Variants in KIF3A observed in about 807,000 individuals in gnomAD.
KIF3A encodes the protein kinesin-like protein KIF3A.
KIF3A carries 27 observed loss-of-function variants against 92.6 expected under a neutral mutation model. The observed-to-expected ratio is 0.29, with a 90% CI of 0.21 to 0.40. The LOEUF (loss-of-function observed/expected upper bound fraction) is 0.40, where lower values mean the gene tolerates loss of function less well. Ranked by LOEUF, KIF3A falls within the 10% of genes least tolerant of loss-of-function variation. The pLI is 1.00. For missense variants in KIF3A, 581 were observed against 872.6 expected (o/e 0.67, Z 4.21); for synonymous variants, 250 against 275.4 (o/e 0.91, Z 0.92).
chr5:132,720,447 T>G (rs1471757836), intron 5 of KIF3A, among the ~76,000 whole-genome samples, 162 bp downstream of exon 5: 1 of 152,194 alleles, frequency 6.6e-6, no homozygotes, highest in African/African-American at 2.4e-5. Context: ...GTGGTATCTT[T>G]CATTCATCTA....
chr5:132,727,759 A>C (rs566002996), intron 2 of KIF3A, among the ~76,000 whole-genome samples: 1 of 152,218 alleles, frequency 6.6e-6, no homozygotes. Context: ...GGAGAAAACC[A>C]AGGGTCGATG....
intron 2 of KIF3A, among the ~76,000 whole-genome samples, chr5:132,727,819 A>C (rs940413006): frequency 3.9e-5 from 6 of 152,182 alleles, no homozygotes; most frequent in African/African-American, 1.4e-4. Context: ...TGTAGTAAGA[A>C]AAGATAGCCT....
chr5:132,699,621 C>T (rs961595986), intron 17 of KIF3A: 15 of 438,182 alleles, frequency 3.4e-5, no homozygotes, highest in Middle Eastern at 5.7e-4. Flanking sequence ...TGCAGTAGCG[C>T]GATCTGGGCT....
intron 8 of KIF3A, among the ~76,000 whole-genome samples, chr5:132,714,850 C>T (rs17716226): frequency 0.039 from 5,872 of 152,266 alleles, 296 homozygotes; most frequent in East Asian, 0.22. Flanking sequence ...AGTATGCACT[C>T]ACCGTTAACA....
intron 10 of KIF3A, among the ~76,000 whole-genome samples, chr5:132,707,636 T>C (rs932750516): frequency 1.3e-5 from 2 of 152,224 alleles, no homozygotes; most frequent in African/African-American, 4.8e-5. Context: ...TTGAAATGAA[T>C]TGTTTTGGTA....
intron 2 of KIF3A, among the ~76,000 whole-genome samples, chr5:132,729,606 G>C (rs1025879557): frequency 3.0e-4 from 45 of 152,082 alleles, no homozygotes; most frequent in Admixed American, 6.5e-5. Flanking sequence ...AATCTCTAGA[G>C]AATTTAAAAA....
At chr5:132,722,409 T>TG (rs1302795305) in intron 4 of KIF3A, among the ~76,000 whole-genome samples, 3 of 152,152 alleles carry the variant, frequency 2.0e-5, no homozygotes, top group Admixed American at 1.3e-4. Context: ...GTTACCCTCT[T>TG]GTCCTAGAAT....
intron 10 of KIF3A, among the ~76,000 whole-genome samples, chr5:132,708,113 C>T (rs1443556645): frequency 2.0e-5 from 3 of 151,992 alleles, no homozygotes; most frequent in Non-Finnish European, 2.9e-5. Context: ...GAAACCCCGT[C>T]TCTACTAAAA....
intron 5 of KIF3A, among the ~76,000 whole-genome samples, chr5:132,719,681 G>A (rs1049544317): frequency 4.0e-5 from 6 of 151,490 alleles, no homozygotes; most frequent in Admixed American, 2.0e-4. Context: ...TAGTAGAGAC[G>A]GGGTTTCACC....
intron 8 of KIF3A, among the ~76,000 whole-genome samples, chr5:132,711,315 G>A (rs1012071264): frequency 1.3e-5 from 2 of 152,170 alleles, no homozygotes; most frequent in Admixed American, 1.3e-4. Context: ...ATTCTGGCTA[G>A]GCAAGGTGGC....
intron 1 of KIF3A, 105 bp from the exon 2 acceptor site, chr5:132,734,583 G>T: frequency 1.1e-6 from 1 of 933,268 alleles, no homozygotes; most frequent in Non-Finnish European, 1.6e-6. Context: ...TCAGTGCCTT[G>T]CACACATTAA....
rs555462001 is a variant in KIF3A, at chr5:132,695,609, T to C, written c.*1025A>G. Reference sequence around the variant, plus strand: ...TATTTGTAGAGGAATATGGTCTAACTGGATTACCCAATAGAAGAAATTCAG... The same window carrying C: ...TATTTGTAGAGGAATATGGTCTAACCGGATTACCCAATAGAAGAAATTCAG... On this transcript the variant is annotated 3_prime_UTR_variant, in exon 19 of 19. Transcript: ENST00000403231. 1 of 152,468 alleles carries C rather than the reference T, an allele frequency of 6.6e-6. No individual in the cohort carries two copies. Among genetic ancestry groups the C allele is most frequent in the East Asian group, 1.9e-4 (1 of 5,314 alleles). The allele number at this position is 152,468 out of a possible 1,614,324, so 9.4% of individuals were successfully genotyped here.
chr5:132,731,268 T>A (rs1463948809), intron 2 of KIF3A, among the ~76,000 whole-genome samples: 1 of 152,124 alleles, frequency 6.6e-6, no homozygotes, highest in Non-Finnish European at 1.5e-5. Flanking sequence ...GATGCCAAAA[T>A]TTTTTTAATT....
intron 2 of KIF3A, among the ~76,000 whole-genome samples, chr5:132,731,492 T>C (rs562622316): frequency 2.6e-5 from 4 of 152,250 alleles, no homozygotes; most frequent in African/African-American, 9.6e-5. Flanking sequence ...GAAGGGAACT[T>C]CCTCAAACCT....
intron 15 of KIF3A, among the ~76,000 whole-genome samples, 190 bp from the exon 16 acceptor site, chr5:132,700,890 A>C (rs953167346): frequency 5.3e-5 from 8 of 152,224 alleles, no homozygotes; most frequent in Admixed American, 2.6e-4. Flanking sequence ...AAACTAAATG[A>C]AAATGAAAAA....
intron 14 of KIF3A, 142 bp downstream of exon 14, chr5:132,702,416 A>T: frequency 1.5e-6 from 1 of 651,050 alleles, no homozygotes. Context: ...TAATAGATAA[A>T]ATTAAAAATT....
rs368096149 is a variant in KIF3A at position 132,734,422 on chromosome 5, G to A, written c.63C>T (p.Cys21=). 2.0e-4 allele frequency: 326 copies of A among 1,613,822 alleles called. 1 individual carries two copies. Among genetic ancestry groups the A allele is most frequent in the Non-Finnish European group, 2.7e-4 (319 of 1,179,926 alleles). The change falls in exon 2 of 19, where the codon TGC becomes TGT. Residue 21 remains cysteine, a synonymous_variant. Transcript: ENST00000403231. ...ATTTCTCTCTCTCATTGAGGGGCCG[G>A]CACCTAACAACAACCTTCACATTAT... ...SCDNVKVVVR[C]RPLNEREKSM...
At chr5:132,724,807 A>AAAAAT (rs1554107349) in intron 4 of KIF3A, among the ~76,000 whole-genome samples, 580 of 29,956 alleles carry the variant, frequency 0.019, 39 homozygotes, top group East Asian at 0.063. Flanking sequence ...AAAAAAAAAA[A>AAAAAT]TATATATATA....
intron 4 of KIF3A, chr5:132,723,271 A>G (rs974107548): frequency 3.3e-5 from 5 of 152,190 alleles, no homozygotes; most frequent in Admixed American, 2.6e-4. Context: ...GCTACCAATG[A>G]CTTTCGTCAC....
Sources: allele counts gnomAD v4.1 joint callset (sites outside exome capture counted in the v4.1 genomes callset), GRCh38; gene constraint gnomAD v4.1.1; transcripts MANE v1.5; gene names NCBI Gene and HGNC (gene_info 2026-07-23, HGNC 2026-07-21).